EYS: variants seen among roughly 807,000 people sequenced by gnomAD.
The protein encoded by EYS is EGF-like photoreceptor maintenance factor, also known as protein eyes shut homolog.
EYS carries 250 observed loss-of-function variants against 282.1 expected under a neutral mutation model. The ratio of observed to expected loss-of-function variants is 0.89; its 90% CI spans 0.80 to 0.98. The LOEUF is 0.98. Ranked by LOEUF, EYS falls within the 50% of genes least tolerant of loss-of-function variation. EYS has a pLI of 0.00. For missense variants in EYS, 4,016 were observed against 3,709.0 expected (o/e 1.08, Z -2.15); for synonymous variants, 1,355 against 1,282.9 (o/e 1.06, Z -1.20).
chr6:63,986,768 G>A (rs1767386922), intron 34 of EYS, among the ~76,000 whole-genome samples: 1 of 151,546 alleles, frequency 6.6e-6, no homozygotes, highest in African/African-American at 2.4e-5. Flanking sequence ...CAGACACTGG[G>A]GTCTACTTGA....
chr6:65,622,016 C>T (rs886569500), intron 2 of EYS, among the ~76,000 whole-genome samples: 8 of 151,992 alleles, frequency 5.3e-5, no homozygotes, highest in Non-Finnish European at 8.8e-5. Flanking sequence ...TAAAAATAAG[C>T]AGTTCCCAAG....
At chr6:64,396,924 G>A (rs996165294) in intron 28 of EYS, among the ~76,000 whole-genome samples, 8 of 152,134 alleles carry the variant, frequency 5.3e-5, no homozygotes, top group Non-Finnish European at 1.2e-4. Flanking sequence ...GTGCACACAA[G>A]GGTGTGTATG....
At chr6:65,438,414 T>A (rs544581917) in intron 5 of EYS, among the ~76,000 whole-genome samples, 6 of 152,180 alleles carry the variant, frequency 3.9e-5, no homozygotes, top group Non-Finnish European at 8.8e-5. Flanking sequence ...TAATTCTAGA[T>A]CCTTGAGGAA....
intron 15 of EYS, among the ~76,000 whole-genome samples, chr6:64,914,408 G>T (rs1768100301): frequency 6.6e-6 from 1 of 152,062 alleles, no homozygotes; most frequent in Non-Finnish European, 1.5e-5. Flanking sequence ...TGATAGATTA[G>T]ATTTTTAAGA....
chr6:64,038,306 A>C (rs1209261872), intron 33 of EYS, among the ~76,000 whole-genome samples: 1 of 152,162 alleles, frequency 6.6e-6, no homozygotes, highest in East Asian at 1.9e-4. Context: ...AATGCTAAGG[A>C]ATGCCTACTA....
At chr6:65,442,720 C>T (rs554886609) in intron 5 of EYS, among the ~76,000 whole-genome samples, 7 of 151,426 alleles carry the variant, frequency 4.6e-5, no homozygotes, top group Non-Finnish European at 7.4e-5. Context: ...TGCCACTGCA[C>T]TCCAGGCTGG....
At chr6:64,370,929 A>G (rs929781931) in intron 29 of EYS, among the ~76,000 whole-genome samples, 1 of 152,046 alleles carries the variant, frequency 6.6e-6, no homozygotes, top group Non-Finnish European at 1.5e-5. Context: ...TAGTCTAGCT[A>G]GCAGTCTATC....
chr6:65,115,237 A>T (rs1345533918), intron 12 of EYS, among the ~76,000 whole-genome samples: 1 of 152,078 alleles, frequency 6.6e-6, no homozygotes, highest in Non-Finnish European at 1.5e-5. Context: ...TATCAAATAT[A>T]AAAACAAAAA....
intron 35 of EYS, among the ~76,000 whole-genome samples, chr6:63,941,578 A>T (rs1035621544): frequency 6.6e-6 from 1 of 152,278 alleles, no homozygotes; most frequent in East Asian, 1.9e-4. Flanking sequence ...TAGATTCTGG[A>T]TATTAGCCCC....
chr6:65,037,516 AG>A (rs1561934190), intron 13 of EYS, among the ~76,000 whole-genome samples: 1 of 151,780 alleles, frequency 6.6e-6, no homozygotes, highest in Non-Finnish European at 1.5e-5. Context: ...CTTAATAAAA[AG>A]TAAATGTATT....
At position 64,950,798 on chromosome 6, in the gene EYS, C is replaced by CATATATAT. The variant is rs1171736217; in HGVS notation, c.2260-4892_2260-4885dup. On this transcript the variant is annotated intron_variant, in intron 14 of 42. Coordinates refer to ENST00000503581, the MANE Select transcript of EYS (RefSeq NM_001142800.2). ...AAAAATATATACACATATACATATA[C>CATATATAT]ATATATATATATATATATATATATA... 5.8e-3 allele frequency among the ~76,000 whole-genome samples: 317 copies of CATATATAT among 54,192 alleles called. 3 individuals carry two copies. The highest frequency in any genetic ancestry group is 0.012 in the South Asian group (17 of 1,384). 35.6% of individuals were successfully genotyped at this position (54,192 alleles called of 152,430 possible).
intron 30 of EYS, among the ~76,000 whole-genome samples, chr6:64,262,001 C>T (rs1036616560): frequency 1.1e-4 from 16 of 151,930 alleles, no homozygotes; most frequent in Admixed American, 7.2e-4. Flanking sequence ...GCAATTTGCT[C>T]GCCTTGGACT....
intron 12 of EYS, among the ~76,000 whole-genome samples, chr6:65,272,990 C>T (rs1478430753): frequency 2.0e-5 from 3 of 151,972 alleles, no homozygotes; most frequent in Non-Finnish European, 2.9e-5. Flanking sequence ...GTAATGTAAA[C>T]GTTACTTGAA....
At chr6:64,942,865 T>C (rs1366363116) in intron 15 of EYS, among the ~76,000 whole-genome samples, 1 of 141,300 alleles carries the variant, frequency 7.1e-6, no homozygotes, top group Non-Finnish European at 1.5e-5. Context: ...TCGAAGGAAC[T>C]CCTCCCTAAT....
rs1170812159 is a variant in EYS at position 63,984,607 on chromosome 6, T to C, written c.6835-4A>G. ...GGAACATTGATTCAAAATATGCCTG[T>C]AGAAAAAGTAACAACAAAAAATATT... On this transcript the variant is annotated splice_polypyrimidine_tract_variant and splice_region_variant and intron_variant, in intron 34 of 42. Transcript: ENST00000503581. 1 of 1,533,328 alleles carries C rather than the reference T, an allele frequency of 6.5e-7. No homozygotes were observed. Among genetic ancestry groups the C allele is most frequent in the Non-Finnish European group, 8.8e-7 (1 of 1,131,896 alleles). 95.0% of individuals were successfully genotyped at this position (1,533,328 alleles called of 1,614,324 possible).
At chr6:64,342,031 T>C (rs1340180022) in intron 29 of EYS, among the ~76,000 whole-genome samples, 2 of 151,568 alleles carry the variant, frequency 1.3e-5, no homozygotes, top group African/African-American at 2.4e-5. Context: ...GAGGTCACAA[T>C]AGAAACTAGA....
chr6:65,702,528 C>A (rs1024297551), intron 1 of EYS, among the ~76,000 whole-genome samples: 1 of 152,014 alleles, frequency 6.6e-6, no homozygotes, highest in Non-Finnish European at 1.5e-5. Context: ...CTTGTCTCTA[C>A]TAAAAATACA....
At chr6:63,831,565 A>G (rs1188999545) in intron 36 of EYS, among the ~76,000 whole-genome samples, 1 of 152,220 alleles carries the variant, frequency 6.6e-6, no homozygotes, top group African/African-American at 2.4e-5. Context: ...AGATTCATAA[A>G]GCAAGTCCTT....
chr6:63,799,625 T>A (rs1562032011), intron 37 of EYS, among the ~76,000 whole-genome samples: 1 of 152,178 alleles, frequency 6.6e-6, no homozygotes, highest in Non-Finnish European at 1.5e-5. Context: ...TGGAAAGAAT[T>A]TATGATTAAT....
Sources: gnomAD v4.1 joint callset for allele counts (sites outside exome capture counted in the v4.1 genomes callset) on GRCh38, gnomAD v4.1.1 for gene constraint, MANE v1.5 for transcripts, NCBI Gene and HGNC (gene_info 2026-07-23, HGNC 2026-07-21) for gene names.